The following IFRD1 variants were observed in gnomAD, a reference collection of about 807,000 sequenced individuals.
IFRD1 encodes the protein interferon related developmental regulator 1.
In IFRD1, 35 loss-of-function variants were observed where a neutral mutation model predicts 52.9. That is an observed-to-expected ratio of 0.66 (90% confidence interval 0.51 to 0.88). IFRD1 has a LOEUF of 0.88. IFRD1 is among the 40% of genes least tolerant of loss of function. The probability of loss-of-function intolerance (pLI) is 0.00; values close to 1 mark genes in which losing one functional copy is unlikely to be tolerated. For synonymous variants in IFRD1, 184 were observed against 188.4 expected (o/e 0.98, Z 0.19); for missense variants, 517 against 550.8 (o/e 0.94, Z 0.61).
At chr7:112,428,839 TTCAAG>T (rs1488857881) in intron 1 of IFRD1, among the ~76,000 whole-genome samples, 4 of 152,168 alleles carry the variant, frequency 2.6e-5, no homozygotes, top group Non-Finnish European at 5.9e-5. Context: ...CCCGTCCCCT[TTCAAG>T]TCATCTTTCT....
intron 4 of IFRD1, chr7:112,457,636 T>C (rs1795328644): frequency 1.3e-5 from 2 of 152,316 alleles, no homozygotes; most frequent in African/African-American, 4.8e-5. Flanking sequence ...TGTGGCACTT[T>C]GGGAGACCGA....
At chr7:112,472,650 G>C in intron 10 of IFRD1, 116 bp from the exon 11 acceptor site, 1 of 789,630 alleles carries the variant, frequency 1.3e-6, no homozygotes. Flanking sequence ...GAAAATAAGT[G>C]ATCTAAGTTT....
intron 1 of IFRD1, among the ~76,000 whole-genome samples, chr7:112,439,387 C>T (rs756183592): frequency 1.3e-5 from 2 of 152,162 alleles, no homozygotes; most frequent in Non-Finnish European, 2.9e-5. Flanking sequence ...CAAATGGTAT[C>T]ATCATTTTAA....
At chr7:112,428,911 T>C (rs527705220) in intron 1 of IFRD1, among the ~76,000 whole-genome samples, 1 of 152,332 alleles carries the variant, frequency 6.6e-6, no homozygotes, top group Non-Finnish European at 1.5e-5. Context: ...GTCAATCCTC[T>C]TCTCAAAAGC....
At chr7:112,432,337 A>C (rs1794566210) in intron 1 of IFRD1, among the ~76,000 whole-genome samples, 1 of 152,216 alleles carries the variant, frequency 6.6e-6, no homozygotes, top group South Asian at 2.1e-4. Context: ...TTAGATGCTA[A>C]GGAGACAACA....
intron 5 of IFRD1, among the ~76,000 whole-genome samples, chr7:112,459,515 C>G (rs966214089): frequency 5.9e-5 from 9 of 152,032 alleles, no homozygotes; most frequent in Admixed American, 1.3e-4. Context: ...ACATGTGATC[C>G]TAAGCTGTTT....
In IFRD1 at chr7:112,429,733, AT is replaced by A. The variant is rs1794505994; in HGVS notation, c.-182+6303del. On this transcript the variant is annotated intron_variant, in intron 1 of 12. Transcript: ENST00000005558. ...TTAGCAATTTCAATAAACAAGGCAT[AT>A]TCTTTTTTCTTTCGGGATAAGGCAG... is the stretch of plus-strand genomic sequence containing the variant. 3.9e-5 allele frequency among the ~76,000 whole-genome samples: 6 copies of A among 152,376 alleles called. 1 individual carries two copies. Among genetic ancestry groups the A allele is most frequent in the Admixed American group, 3.9e-4 (6 of 15,306 alleles).
chr7:112,439,899 A>G (rs566300377), intron 1 of IFRD1, among the ~76,000 whole-genome samples: 103 of 152,324 alleles, frequency 6.8e-4, no homozygotes, highest in Middle Eastern at 3.4e-3. Context: ...GGATATCTGA[A>G]CAAAATTGGG....
intron 1 of IFRD1, among the ~76,000 whole-genome samples, chr7:112,438,165 C>T (rs1455181522): frequency 4.6e-5 from 7 of 151,988 alleles, no homozygotes; most frequent in African/African-American, 1.7e-4. Context: ...CTTTGAAGAG[C>T]TTCAAAAGAA....
chr7:112,453,183 A>G (rs1249109209), intron 1 of IFRD1, among the ~76,000 whole-genome samples: 2 of 152,182 alleles, frequency 1.3e-5, no homozygotes, highest in Non-Finnish European at 2.9e-5. Context: ...TGAGTTTTCT[A>G]TTTAAACTCT....
chr7:112,448,643 G>C (rs1224449582), upstream of IFRD1, among the ~76,000 whole-genome samples: 1 of 152,206 alleles, frequency 6.6e-6, no homozygotes, highest in East Asian at 1.9e-4. Context: ...GGCTGCTTCA[G>C]GATTAAACAA....
chr7:112,426,175 C>T (rs1007581451), intron 1 of IFRD1, among the ~76,000 whole-genome samples: 1 of 152,066 alleles, frequency 6.6e-6, no homozygotes, highest in Non-Finnish European at 1.5e-5. Context: ...TGCACCACTG[C>T]CCTCCAGCAT....
chr7:112,456,916 C>T lies in IFRD1; in HGVS notation c.287C>T (p.Ala96Val), dbSNP rs550593403. The T allele has an allele frequency of 2.0e-5, 32 of 1,613,096 alleles. 2 individuals are homozygous for T. Among genetic ancestry groups the T allele is most frequent in the Admixed American group, 8.3e-5 (5 of 59,984 alleles). The change falls in exon 4 of 12, where the codon GCG (alanine) becomes GTG (valine). Residue 96 changes from alanine (A) to valine (V), a missense_variant and splice_region_variant. Physicochemically the swap from Ala to Val is moderately conservative, Grantham distance 64 (BLOSUM62 0). Coordinates refer to ENST00000403825, the MANE Select transcript of IFRD1 (RefSeq NM_001550.4). ...CTCTTACATTGGGTGTTAAATAGTG[C>T]GAAGACAAGGCAAGCAGCTCTTGAA... ...GLIDLTLDKS[A>V]KTRQAALEGI... is the part of the protein sequence containing the mutation.
intron 1 of IFRD1, among the ~76,000 whole-genome samples, chr7:112,438,813 A>G (rs1195530377): frequency 1.3e-5 from 2 of 152,192 alleles, no homozygotes; most frequent in African/African-American, 4.8e-5. Flanking sequence ...CAAAGGTACC[A>G]TTACTCACCC....
chr7:112,458,902 G>A lies in IFRD1; in HGVS notation c.451G>A (p.Val151Ile), dbSNP rs1345744909. 1 of 1,614,030 alleles carries A rather than the reference G, an allele frequency of 6.2e-7. No individual in the cohort carries two copies. Among genetic ancestry groups the A allele is most frequent in the African/African-American group, 1.3e-5 (1 of 75,036 alleles). ...ACGTGCAGCTGCAGCGTTAGCATCT[G>A]TTCTTTGTATTCAGCTGGGCCCTGG... ...EQRAAAALAS[V>I]LCIQLGPGIE... Residue 151 changes from valine to isoleucine, a missense_variant, in exon 5 of 12, where the codon GTT (valine) becomes ATT (isoleucine). By Grantham distance (29) the Val-to-Ile change is conservative (BLOSUM62 3). Transcript: ENST00000403825.
Position 112,457,140 on chromosome 7 carries a change from T to C in IFRD1, c.409+102T>C, listed in dbSNP as rs1243159554. 4 of 1,254,914 alleles carry C rather than the reference T, an allele frequency of 3.2e-6. No individual in the cohort carries two copies. In the East Asian group the frequency reaches 9.3e-5, roughly 29 times the overall value. 77.7% of individuals were successfully genotyped at this position (1,254,914 alleles called of 1,614,324 possible). Reference sequence around the variant, plus strand: ...ATAGCACTGGAACACTGGCCCACTCTTAAAATTTTCTAATAGTCAAGGAGT... The same window carrying C: ...ATAGCACTGGAACACTGGCCCACTCCTAAAATTTTCTAATAGTCAAGGAGT... On this transcript the variant is annotated intron_variant, in intron 4 of 11. Transcript: ENST00000403825.
In IFRD1 at chr7:112,455,095, C is replaced by G. The variant is rs186058003; in HGVS notation, c.95-668C>G. Among the ~76,000 whole-genome samples, 533 of 151,806 alleles carry G rather than the reference C, an allele frequency of 3.5e-3. 3 individuals carry two copies. Among genetic ancestry groups the G allele is most frequent in the Non-Finnish European group, 6.0e-3 (408 of 67,910 alleles). ...GCCAGGCAGGTCTCAAATTCCTGACCTCAAGTGATCTGTCCGCCTCAGCCT... is the reference window on the plus strand; with the variant it reads ...GCCAGGCAGGTCTCAAATTCCTGACGTCAAGTGATCTGTCCGCCTCAGCCT... On this transcript the variant is annotated intron_variant, in intron 1 of 11. Transcript: ENST00000403825.
intron 1 of IFRD1, among the ~76,000 whole-genome samples, chr7:112,434,245 T>C (rs1459577767): frequency 6.6e-6 from 1 of 152,202 alleles, no homozygotes; most frequent in African/African-American, 2.4e-5. Context: ...CTGCTGTGTA[T>C]AGTTCTTTAT....
intron 11 of IFRD1, among the ~76,000 whole-genome samples, chr7:112,473,703 G>A (rs1246233460): frequency 6.6e-6 from 1 of 152,064 alleles, no homozygotes; most frequent in African/African-American, 2.4e-5. Flanking sequence ...GGGATTACAG[G>A]CATGAGCCAC....
Sources: gnomAD v4.1 joint callset for allele counts (sites outside exome capture counted in the v4.1 genomes callset) on GRCh38, gnomAD v4.1.1 for gene constraint, MANE v1.5 for transcripts, NCBI Gene and HGNC (gene_info 2026-07-23, HGNC 2026-07-21) for gene names.